ULK2: variants seen among roughly 807,000 people sequenced by gnomAD.
The protein encoded by ULK2 is unc-51 like autophagy activating kinase 2, also known as serine/threonine-protein kinase ULK2.
Under a neutral mutation model 127.5 loss-of-function variants are expected in ULK2, and 76 were observed. That is an observed-to-expected ratio of 0.60 (90% CI 0.50 to 0.72). The LOEUF (loss-of-function observed/expected upper bound fraction) is 0.72. ULK2 is among the 30% of genes least tolerant of loss of function. The pLI, the probability that ULK2 is intolerant of heterozygous loss-of-function variation, is 0.00. For missense variants in ULK2, 1,144 were observed against 1,295.9 expected (o/e 0.88, Z 1.80); for synonymous variants, 452 against 461.9 (o/e 0.98, Z 0.28).
In ULK2 at chr17:19,782,010, C is replaced by T. The variant is rs368184934; in HGVS notation, c.2518G>A (p.Val840Met). The T allele has an allele frequency of 1.2e-6, 2 of 1,614,096 alleles. No individual in the cohort carries two copies. The highest frequency in any genetic ancestry group is 1.7e-6 in the Non-Finnish European group (2 of 1,180,050). ...CCCCTCATGGCTGTCAGGTCCAGCA[C>T]ACACTCAGTGAACATCAGCATCACA... ...LNVMLMFTEC[V>M]LDLTAMRGGN... is the part of the protein sequence containing the mutation. The change falls in exon 23 of 27, where the codon GTG (valine) becomes ATG (methionine). Residue 840 changes from valine (V) to methionine (M), a missense_variant. Physicochemically the swap from Val to Met is conservative, Grantham distance 21. This residue lies in a region of ULK2 where 913 missense variants were observed against 970.5 expected (regional missense o/e 0.94). Transcript: ENST00000395544.
chr17:19,822,988 ATTTT>A (rs35354990), intron 12 of ULK2, among the ~76,000 whole-genome samples: 1 of 127,594 alleles, frequency 7.8e-6, no homozygotes, highest in African/African-American at 2.9e-5. Context: ...ACCCAGCCGG[ATTTT>A]TTTTTTTTTT....
chr17:19,833,278 C>A (rs1191483651), intron 10 of ULK2, among the ~76,000 whole-genome samples: 1 of 151,938 alleles, frequency 6.6e-6, no homozygotes, highest in Non-Finnish European at 1.5e-5. Context: ...ATGGCCCATA[C>A]ACAGGGGAAC....
chr17:19,848,136 T>C (rs968713254), intron 5 of ULK2: 4 of 152,094 alleles, frequency 2.6e-5, no homozygotes, highest in African/African-American at 9.7e-5. Context: ...AAAATATTTA[T>C]ATTAAAAAAA....
chr17:19,853,983 G>C (rs1352151042), intron 3 of ULK2, among the ~76,000 whole-genome samples: 2 of 152,128 alleles, frequency 1.3e-5, no homozygotes, highest in Non-Finnish European at 2.9e-5. Flanking sequence ...ACAAAACTTA[G>C]AGATGCAAAA....
chr17:19,796,858 C>T (rs2087283151), intron 18 of ULK2, among the ~76,000 whole-genome samples: 1 of 152,210 alleles, frequency 6.6e-6, no homozygotes, highest in Non-Finnish European at 1.5e-5. Context: ...CTATTTACAG[C>T]TTGTGTGACC....
At chr17:19,825,284 C>A in intron 11 of ULK2, 102 bp from the exon 12 acceptor site, 2 of 891,728 alleles carry the variant, frequency 2.2e-6, no homozygotes, top group Non-Finnish European at 1.7e-6. Flanking sequence ...TGTGTTCCCC[C>A]AAAATCTGCA....
At chr17:19,828,692 T>C (rs962694536) in intron 10 of ULK2, among the ~76,000 whole-genome samples, 2 of 152,124 alleles carry the variant, frequency 1.3e-5, no homozygotes, top group Non-Finnish European at 2.9e-5. Context: ...GACATAAAAA[T>C]AGTAAAATGG....
chr17:19,860,165 A>G (rs943047747), intron 3 of ULK2, among the ~76,000 whole-genome samples: 26 of 146,172 alleles, frequency 1.8e-4, no homozygotes, highest in African/African-American at 6.0e-4. Flanking sequence ...AATATACCAA[A>G]GAGTGGTTAT....
In ULK2 at chr17:19,795,712, C is replaced by T. The variant is rs1170157876; in HGVS notation, c.2011G>A (p.Gly671Arg). Reference sequence around the variant, plus strand: ...TTTCCTTGTTGATCTGATAACTTCCCGGTACTGACAGATCTAAAAAGAATA... The same window carrying T: ...TTTCCTTGTTGATCTGATAACTTCCTGGTACTGACAGATCTAAAAAGAATA... ...KAVFGRSVSTGKLSDQQGKTP... is the reference protein window; with the variant it reads ...KAVFGRSVSTRKLSDQQGKTP... Residue 671 changes from glycine (G) to arginine (R), a missense_variant, in exon 20 of 27, where the codon GGG (glycine) becomes AGG (arginine). This residue lies in a region of ULK2 where 913 missense variants were observed against 970.5 expected (regional missense o/e 0.94). Coordinates refer to ENST00000395544, the MANE Select transcript of ULK2 (RefSeq NM_014683.4). The T allele has an allele frequency of 9.3e-6, 15 of 1,613,602 alleles. No homozygotes were observed. Among genetic ancestry groups the T allele is most frequent in the Non-Finnish European group, 1.2e-5 (14 of 1,179,780 alleles).
At chr17:19,795,490 C>T in intron 20 of ULK2, 132 bp downstream of exon 20, 1 of 770,130 alleles carries the variant, frequency 1.3e-6, no homozygotes, top group East Asian at 2.5e-5. Flanking sequence ...GGGATGGCAT[C>T]CAGAACTATG....
intron 25 of ULK2, among the ~76,000 whole-genome samples, chr17:19,780,154 A>T (rs915053448): frequency 6.6e-6 from 1 of 151,664 alleles, no homozygotes; most frequent in Admixed American, 6.6e-5. Flanking sequence ...AGCCTGGGCG[A>T]CAGAGTAACT....
chr17:19,799,427 G>T, intron 17 of ULK2, 68 bp downstream of exon 17: 5 of 1,310,026 alleles, frequency 3.8e-6, no homozygotes, highest in South Asian at 1.7e-5. Flanking sequence ...GATAAAACTA[G>T]AAAAACACAA....
chr17:19,838,985 C>T (rs1333766291), intron 9 of ULK2, among the ~76,000 whole-genome samples: 1 of 150,186 alleles, frequency 6.7e-6, no homozygotes, highest in African/African-American at 2.5e-5. Context: ...GAGCCGAGAT[C>T]ATGCCACTGC....
At chr17:19,787,622 T>G (rs1469740759) in intron 20 of ULK2, among the ~76,000 whole-genome samples, 1 of 152,230 alleles carries the variant, frequency 6.6e-6, no homozygotes, top group African/African-American at 2.4e-5. Context: ...ACTTGCTTTC[T>G]TATCTCAGCT....
chr17:19,826,089 T>C, intron 11 of ULK2, 50 bp downstream of exon 11: 2 of 1,121,570 alleles, frequency 1.8e-6, no homozygotes, highest in Non-Finnish European at 2.4e-6. Flanking sequence ...TAATTTTTCC[T>C]AAAGCTTGCA....
At position 19,772,485 on chromosome 17, in the gene ULK2, GCA is replaced by G. The variant is rs1205714862; in HGVS notation, c.*3862_*3863del. On this transcript the variant is annotated 3_prime_UTR_variant, in exon 27 of 27. Transcript: ENST00000395544. ...GTGGTCTGAGGCCGTCTAGAAATAGGCACAGATACTTCCAGGATGCATGTAAC... is the reference window on the plus strand; with the variant it reads ...GTGGTCTGAGGCCGTCTAGAAATAGGCAGATACTTCCAGGATGCATGTAAC... 1.3e-5 allele frequency: 2 copies of G among 152,168 alleles called. No individual in the cohort carries two copies. Among genetic ancestry groups the G allele is most frequent in the South Asian group, 2.1e-4 (1 of 4,832 alleles). 9.4% of individuals were successfully genotyped at this position (152,168 alleles called of 1,614,324 possible).
chr17:19,796,494 T>C (rs2087275562), intron 18 of ULK2, among the ~76,000 whole-genome samples: 1 of 152,146 alleles, frequency 6.6e-6, no homozygotes, highest in African/African-American at 2.4e-5. Context: ...GATTCTCTTA[T>C]CTGGTTCCTG....
chr17:19,836,726 G>A (rs1451878009), intron 10 of ULK2, among the ~76,000 whole-genome samples: 1 of 151,240 alleles, frequency 6.6e-6, no homozygotes, highest in Non-Finnish European at 1.5e-5. Context: ...ACAAGATGGT[G>A]AAACCCTGTC....
At chr17:19,819,140 C>G (rs921960390) in intron 12 of ULK2, among the ~76,000 whole-genome samples, 1 of 152,140 alleles carries the variant, frequency 6.6e-6, no homozygotes, top group Non-Finnish European at 1.5e-5. Flanking sequence ...GTGTCACATC[C>G]TATATATCCC....
Sources: gnomAD v4.1 joint callset for allele counts (sites outside exome capture counted in the v4.1 genomes callset) on GRCh38, gnomAD v4.1.1 for gene constraint, gnomAD v4.1.1 regional missense constraint, MANE v1.5 for transcripts, NCBI Gene and HGNC (gene_info 2026-07-23, HGNC 2026-07-21) for gene names.